Variants in AGBL1 observed in about 807,000 individuals in gnomAD.
AGBL1 encodes cytosolic carboxypeptidase 4.
AGBL1 carries 130 observed loss-of-function variants against 118.9 expected under a neutral mutation model. The ratio of observed to expected loss-of-function variants is 1.09; its 90% CI spans 0.95 to 1.26. The LOEUF is 1.26. Among genes scored for constraint, AGBL1 ranks in the 50% most tolerant of loss-of-function variants. AGBL1 has a pLI of 0.00. For missense variants in AGBL1, 1,584 were observed against 1,298.1 expected, an observed-to-expected ratio of 1.22 and a Z score of -3.38; for synonymous variants, 555 against 478.9, an observed-to-expected ratio of 1.16 and a Z score of -2.08.
At chr15:86,482,349 C>T (rs1444450895) in intron 18 of AGBL1, among the ~76,000 whole-genome samples, 2 of 152,136 alleles carry the variant, frequency 1.3e-5, no homozygotes, top group Non-Finnish European at 2.9e-5. Flanking sequence ...TTGCCCAGAG[C>T]ATGGAGATGG....
intron 24 of AGBL1, among the ~76,000 whole-genome samples, chr15:87,009,753 G>C (rs1370756261): frequency 1.3e-5 from 2 of 152,186 alleles, no homozygotes; most frequent in Non-Finnish European, 2.9e-5. Flanking sequence ...CTAGATATAA[G>C]ACATGGCGTC....
rs371885156 is a variant in AGBL1 at position 86,872,686 on chromosome 15, G to T, written c.3159-34401G>T. Among the ~76,000 whole-genome samples the T allele has an allele frequency of 1.4e-3, 211 of 152,270 alleles. No individual in the cohort carries two copies. The South Asian group carries it at 0.018, about 13-fold the overall frequency. On this transcript the variant is annotated intron_variant, in intron 22 of 22. Coordinates refer to ENST00000614907, the MANE Select transcript of AGBL1 (RefSeq NM_001386094.1). ...CAGGAGAATCGCTTGAACCTGGGAG[G>T]CAGAGGTTACAGTGAGCTGAGATAG... is the stretch of plus-strand genomic sequence containing the variant.
chr15:86,878,263 C>A (rs2079841565), intron 22 of AGBL1, among the ~76,000 whole-genome samples: 1 of 152,182 alleles, frequency 6.6e-6, no homozygotes, highest in Non-Finnish European at 1.5e-5. Flanking sequence ...ATATTTTAAT[C>A]TTTGCAAGTC....
At chr15:86,220,288 A>G (rs1317648521) in intron 5 of AGBL1, among the ~76,000 whole-genome samples, 1 of 152,216 alleles carries the variant, frequency 6.6e-6, no homozygotes, top group East Asian at 1.9e-4. Context: ...ACTTGGGAAG[A>G]TTATTTAACC....
At chr15:86,233,236 G>C (rs906509077) in intron 6 of AGBL1, among the ~76,000 whole-genome samples, 6 of 152,174 alleles carry the variant, frequency 3.9e-5, no homozygotes, top group Non-Finnish European at 7.3e-5. Context: ...CCATTGATTG[G>C]CTCTGTGACT....
intron 5 of AGBL1, among the ~76,000 whole-genome samples, chr15:86,207,262 C>G (rs754102687): frequency 2.0e-5 from 3 of 152,150 alleles, no homozygotes; most frequent in Non-Finnish European, 1.5e-5. Context: ...CAGCTTTGTT[C>G]TTTTTGCTTA....
intron 18 of AGBL1, among the ~76,000 whole-genome samples, chr15:86,447,335 G>A (rs1317349263): frequency 6.6e-6 from 1 of 152,142 alleles, no homozygotes; most frequent in Non-Finnish European, 1.5e-5. Context: ...TGTGAGCCGC[G>A]GAATTGTAGT....
At chr15:86,862,761 C>CT (rs1326462825) in intron 22 of AGBL1, among the ~76,000 whole-genome samples, 1 of 152,108 alleles carries the variant, frequency 6.6e-6, no homozygotes, top group Non-Finnish European at 1.5e-5. Context: ...AAACAAAGTT[C>CT]TTTTTACCAT....
chr15:86,969,401 C>T (rs970579347), intron 23 of AGBL1, among the ~76,000 whole-genome samples: 7 of 151,978 alleles, frequency 4.6e-5, no homozygotes, highest in African/African-American at 9.7e-5. Context: ...CTAGTAATCA[C>T]GGGATACAAG....
intron 22 of AGBL1, among the ~76,000 whole-genome samples, chr15:86,858,637 C>T (rs2079519241): frequency 6.6e-6 from 1 of 152,210 alleles, no homozygotes; most frequent in Non-Finnish European, 1.5e-5. Flanking sequence ...AACTAACCCC[C>T]TTGCTCTCTA....
At chr15:86,376,681 C>T (rs117602369) in intron 17 of AGBL1, among the ~76,000 whole-genome samples, 80 of 152,304 alleles carry the variant, frequency 5.3e-4, no homozygotes, top group Non-Finnish European at 9.8e-4. Context: ...TGGGCTAATA[C>T]CTTTAGTCTC....
At chr15:86,208,501 G>C (rs1355384714) in intron 5 of AGBL1, among the ~76,000 whole-genome samples, 1 of 152,184 alleles carries the variant, frequency 6.6e-6, no homozygotes, top group Non-Finnish European at 1.5e-5. Flanking sequence ...TTCAGAGCCT[G>C]TTATTGGTCT....
At chr15:86,356,525 G>A (rs2080723772) in intron 17 of AGBL1, among the ~76,000 whole-genome samples, 1 of 152,076 alleles carries the variant, frequency 6.6e-6, no homozygotes, top group South Asian at 2.1e-4. Context: ...GAGAGGAAAT[G>A]AGAGGCAAGC....
chr15:86,797,341 C>A (rs1053249351), intron 22 of AGBL1, among the ~76,000 whole-genome samples: 4 of 152,188 alleles, frequency 2.6e-5, no homozygotes, highest in Non-Finnish European at 4.4e-5. Flanking sequence ...ATAAGTGACC[C>A]ACAGGAGGCT....
chr15:86,192,443 T>C (rs1194946837), intron 5 of AGBL1, among the ~76,000 whole-genome samples: 1 of 151,900 alleles, frequency 6.6e-6, no homozygotes, highest in Non-Finnish European at 1.5e-5. Context: ...TATGTGCACA[T>C]GTAAATTTTG....
At chr15:86,573,432 T>C (rs1437641043) in intron 21 of AGBL1, among the ~76,000 whole-genome samples, 2 of 152,186 alleles carry the variant, frequency 1.3e-5, no homozygotes, top group Non-Finnish European at 2.9e-5. Context: ...AAGAAGGAGA[T>C]GATGATTTAG....
chr15:86,942,366 T>C (rs576329048), intron 23 of AGBL1, among the ~76,000 whole-genome samples: 103 of 152,344 alleles, frequency 6.8e-4, no homozygotes, highest in Non-Finnish European at 1.2e-4. Context: ...ACATTTCTTC[T>C]AGATTCCCTG....
intron 22 of AGBL1, among the ~76,000 whole-genome samples, chr15:86,862,803 G>A (rs2079577270): frequency 6.6e-6 from 1 of 152,206 alleles, no homozygotes; most frequent in African/African-American, 2.4e-5. Flanking sequence ...AACAGCTATT[G>A]GTTGTGCTGA....
intron 21 of AGBL1, among the ~76,000 whole-genome samples, chr15:86,657,223 G>C (rs2085474919): frequency 6.6e-6 from 1 of 152,154 alleles, no homozygotes; most frequent in African/African-American, 2.4e-5. Flanking sequence ...GCTGACCTGG[G>C]ACAATGCCAA....
Sources: gnomAD v4.1 joint callset for allele counts (sites outside exome capture counted in the v4.1 genomes callset) on GRCh38, gnomAD v4.1.1 for gene constraint, MANE v1.5 for transcripts, NCBI Gene and HGNC (gene_info 2026-07-23, HGNC 2026-07-21) for gene names.